The following ZBTB40 variants were observed in gnomAD, a reference collection of about 807,000 sequenced individuals.
ZBTB40 encodes the protein zinc finger and BTB domain containing 40.
ZBTB40 carries 60 observed loss-of-function variants against 117.5 expected under a neutral mutation model. The observed-to-expected ratio is 0.51, with a 90% confidence interval of 0.41 to 0.63. The LOEUF (loss-of-function observed/expected upper bound fraction) is 0.63. ZBTB40 is among the 30% of genes least tolerant of loss of function. ZBTB40 has a pLI of 0.00. For synonymous variants in ZBTB40, 525 were observed against 577.1 expected, an observed-to-expected ratio of 0.91 and a Z score of 1.29; for missense variants, 1,287 against 1,498.5, an observed-to-expected ratio of 0.86 and a Z score of 2.33.
At position 22,527,287 on chromosome 1, in the gene ZBTB40, C is replaced by G. The variant is rs1639704236; in HGVS notation, c.*891C>G. 6.6e-6 allele frequency: 1 copy of G among 152,376 alleles called. No homozygotes were observed. Among genetic ancestry groups the G allele is most frequent in the South Asian group, 2.1e-4 (1 of 4,830 alleles). The allele number at this position is 152,376 out of a possible 1,614,324, so 9.4% of individuals were successfully genotyped here. A position where few individuals can be genotyped will look rare whatever the true frequency, so the allele number is the denominator to read the frequency against. On this transcript the variant is annotated 3_prime_UTR_variant, in exon 18 of 18. Coordinates refer to ENST00000375647, the MANE Select transcript of ZBTB40 (RefSeq NM_014870.4). Reference sequence around the variant, plus strand: ...GGTGCAGACTGTGACCAGCACCAGGCAGGCAGTCCTGTCTGCGTGTGGAGG... The same window carrying G: ...GGTGCAGACTGTGACCAGCACCAGGGAGGCAGTCCTGTCTGCGTGTGGAGG...
chr1:22,526,475 C>A lies in ZBTB40; in HGVS notation c.*79C>A. The stretch of plus-strand genomic sequence containing the variant: ...ACAGCTTGCCCTTTGCCCTCCATCC[C>A]TGGCTGTCCTGAGTGGTGAGCATCT... On this transcript the variant is annotated 3_prime_UTR_variant, in exon 18 of 18. Coordinates refer to ENST00000375647, the MANE Select transcript of ZBTB40 (RefSeq NM_014870.4). 6.3e-7 allele frequency: 1 copy of A among 1,575,998 alleles called. No homozygotes were observed. Among genetic ancestry groups the A allele is most frequent in the East Asian group, 2.2e-5 (1 of 44,570 alleles).
chr1:22,450,859 G>C (rs933365867), upstream of ZBTB40, among the ~76,000 whole-genome samples: 2 of 152,142 alleles, frequency 1.3e-5, no homozygotes, highest in East Asian at 3.9e-4. Context: ...TAACCACAGA[G>C]GAAGCTGGAC....
chr1:22,447,101 T>C (rs367924838), upstream of ZBTB40, among the ~76,000 whole-genome samples: 60 of 142,536 alleles, frequency 4.2e-4, 1 homozygote, highest in South Asian at 0.013. Context: ...AGACCTTATC[T>C]CAAAAAAAAA....
At chr1:22,441,623 C>T (rs1640734348) in intron 1 of ZBTB40, among the ~76,000 whole-genome samples, 3 of 151,860 alleles carry the variant, frequency 2.0e-5, no homozygotes, top group Admixed American at 2.0e-4. Flanking sequence ...GCTGAGATTA[C>T]AGGCCTAAAC....
intron 1 of ZBTB40, among the ~76,000 whole-genome samples, chr1:22,458,424 C>G (rs1641054406): frequency 6.6e-6 from 1 of 152,212 alleles, no homozygotes; most frequent in Admixed American, 6.5e-5. Context: ...GGCCACAGGA[C>G]TTCATCCTTT....
chr1:22,522,330 C>G, intron 15 of ZBTB40, 47 bp from the exon 16 acceptor site: 1 of 1,597,434 alleles, frequency 6.3e-7, no homozygotes, highest in Middle Eastern at 1.7e-4. Context: ...CTTGGAGAGC[C>G]AACCATTTGT....
At chr1:22,509,354 T>C in intron 9 of ZBTB40, 121 bp downstream of exon 9, 3 of 1,437,298 alleles carry the variant, frequency 2.1e-6, no homozygotes, top group Non-Finnish European at 2.9e-6. Flanking sequence ...TTTTTTTCCT[T>C]TTTCTCTTTT....
intron 1 of ZBTB40, among the ~76,000 whole-genome samples, chr1:22,459,401 G>T (rs1179282795): frequency 6.6e-6 from 1 of 152,168 alleles, no homozygotes; most frequent in African/African-American, 2.4e-5. Context: ...TTTGAGGAAG[G>T]ATCTGATTTT....
chr1:22,529,798 CGGAA>C lies in ZBTB40; in HGVS notation c.*3405_*3408del, dbSNP rs1639781898. The C allele has an allele frequency of 6.6e-6, 1 of 152,154 alleles. No homozygotes were observed. The highest frequency in any genetic ancestry group is 1.5e-5 in the Non-Finnish European group (1 of 68,008). 9.4% of individuals were successfully genotyped at this position (152,154 alleles called of 1,614,324 possible). A position where few individuals can be genotyped will look rare whatever the true frequency, so the allele number is the denominator to read the frequency against. On this transcript the variant is annotated 3_prime_UTR_variant, in exon 18 of 18. Coordinates refer to ENST00000375647, the MANE Select transcript of ZBTB40 (RefSeq NM_014870.4). ...AAGCATTCTGACTTCCCACTGACCA[CGGAA>C]GGCATGTCAGCTTCATGCCTCGGGC...
intron 6 of ZBTB40, among the ~76,000 whole-genome samples, chr1:22,506,484 G>A (rs144589350): frequency 1.2e-3 from 187 of 152,262 alleles, no homozygotes; most frequent in African/African-American, 4.0e-3. Flanking sequence ...ATTTATTAAC[G>A]TGTGGCTTTC....
chr1:22,444,283 G>A (rs1432432533), intron 1 of ZBTB40, among the ~76,000 whole-genome samples: 1 of 152,066 alleles, frequency 6.6e-6, no homozygotes, highest in East Asian at 1.9e-4. Context: ...AGCTGGGCGT[G>A]GTGGTGGGCA....
At chr1:22,457,754 G>C (rs193133067) in intron 1 of ZBTB40, among the ~76,000 whole-genome samples, 1 of 152,192 alleles carries the variant, frequency 6.6e-6, no homozygotes, top group Non-Finnish European at 1.5e-5. Flanking sequence ...AAAGGTGAAC[G>C]GTAGGTGATT....
At chr1:22,468,152 C>A (rs1190955731) in intron 1 of ZBTB40, among the ~76,000 whole-genome samples, 1 of 151,402 alleles carries the variant, frequency 6.6e-6, no homozygotes, top group Non-Finnish European at 1.5e-5. Flanking sequence ...AGTCACTTTG[C>A]TAAAGCAATT....
chr1:22,470,647 A>G lies in ZBTB40; in HGVS notation c.-70+18643A>G, dbSNP rs769674163. Among the ~76,000 whole-genome samples the G allele has an allele frequency of 5.9e-5, 9 of 152,352 alleles. No individual in the cohort carries two copies. In the South Asian group the frequency reaches 8.3e-4, roughly 14 times the overall value. Reference sequence around the variant, plus strand: ...GAGACTGAAAAATTAGCACATGGTCATGATTATTAGATACCTGCCAAAAGT... The same window carrying G: ...GAGACTGAAAAATTAGCACATGGTCGTGATTATTAGATACCTGCCAAAAGT... On this transcript the variant is annotated intron_variant, in intron 1 of 17. Transcript: ENST00000375647.
intron 6 of ZBTB40, 49 bp downstream of exon 6, chr1:22,506,290 A>G: frequency 6.3e-7 from 1 of 1,598,138 alleles, no homozygotes; most frequent in Non-Finnish European, 8.6e-7. Flanking sequence ...CTTCCAGAAA[A>G]TTGTAGCTTG....
At chr1:22,522,537 C>A in intron 16 of ZBTB40, 74 bp downstream of exon 16, 2 of 1,434,308 alleles carry the variant, frequency 1.4e-6, no homozygotes, top group South Asian at 1.1e-5. Context: ...TGCAGCTTTG[C>A]AACCTAGGCT....
Position 22,490,614 on chromosome 1 carries a change from T to C in ZBTB40, c.666T>C (p.Phe222=), listed in dbSNP as rs1638602852. ...ACSPSPAVQT[F]SEAKKTSTEP... is the part of the protein sequence containing the mutation. Reference sequence around the variant, plus strand: ...CCCCCTCCCCTGCTGTGCAAACCTTTAGTGAGGCAAAGAAGACAAGCACAG... The same window carrying C: ...CCCCCTCCCCTGCTGTGCAAACCTTCAGTGAGGCAAAGAAGACAAGCACAG... Residue 222 remains phenylalanine (F), a synonymous_variant, in exon 2 of 18, where the codon TTT becomes TTC. Coordinates refer to ENST00000375647, the MANE Select transcript of ZBTB40 (RefSeq NM_014870.4). The C allele has an allele frequency of 6.2e-7, 1 of 1,613,862 alleles. No individual in the cohort carries two copies. The highest frequency in any genetic ancestry group is 8.5e-7 in the Non-Finnish European group (1 of 1,180,016).
In ZBTB40 at chr1:22,489,881, G is replaced by T; in HGVS notation, c.-68G>T. The stretch of plus-strand genomic sequence containing the variant: ...CTGGTATTTTGTGGGTTTCTCTAGG[G>T]CCTGTCCTCCCAAAGCCAACTCTAA... On this transcript the variant is annotated splice_region_variant and 5_prime_UTR_variant, in exon 2 of 18. Transcript: ENST00000375647. 6.7e-7 allele frequency: 1 copy of T among 1,496,022 alleles called. No individual in the cohort carries two copies. Among genetic ancestry groups the T allele is most frequent in the Non-Finnish European group, 9.2e-7 (1 of 1,085,770 alleles). 92.7% of individuals were successfully genotyped at this position (1,496,022 alleles called of 1,614,324 possible).
intron 1 of ZBTB40, among the ~76,000 whole-genome samples, chr1:22,468,735 G>A (rs1024524234): frequency 3.6e-5 from 5 of 140,232 alleles, no homozygotes; most frequent in African/African-American, 8.0e-5. Context: ...CTGGGCTCAA[G>A]TAATCCTCCT....
Sources: gnomAD v4.1 joint callset for allele counts (sites outside exome capture counted in the v4.1 genomes callset) on GRCh38, gnomAD v4.1.1 for gene constraint, MANE v1.5 for transcripts, NCBI Gene and HGNC (gene_info 2026-07-23, HGNC 2026-07-21) for gene names.